ATP7A: variants seen among roughly 807,000 people sequenced by gnomAD.
ATP7A encodes the protein ATPase copper transporting alpha.
A neutral mutation model predicts 83.5 loss-of-function variants in ATP7A; 7 were observed. The observed-to-expected ratio is 0.08, with a 90% CI of 0.05 to 0.16. ATP7A has a LOEUF of 0.16. ATP7A is among the 10% of genes least tolerant of loss of function. The pLI, the probability that ATP7A is intolerant of heterozygous loss-of-function variation, is 1.00. For missense variants in ATP7A, 940 were observed against 1,120.8 expected (o/e 0.84, Z 2.30); for synonymous variants, 354 against 395.2 (o/e 0.90, Z 1.24).
intron 1 of ATP7A, chrX:77,969,231 G>A: frequency 8.2e-6 from 10 of 1,212,165 alleles, no homozygotes; most frequent in Non-Finnish European, 1.0e-5. Context: ...GATCCTTACT[G>A]ATGTTGCTGT....
intron 1 of ATP7A, chrX:77,923,939 G>C (rs2077229012): frequency 9.0e-6 from 1 of 111,655 alleles, no homozygotes; most frequent in African/African-American, 3.2e-5. Context: ...ATTATAGCTT[G>C]ACTCCCTACA....
chrX:77,973,326 C>T (rs969584017), intron 2 of ATP7A, among the ~76,000 whole-genome samples: 2 of 111,602 alleles, frequency 1.8e-5, no homozygotes, highest in Non-Finnish European at 3.8e-5. Flanking sequence ...AGAGCCCATA[C>T]GTGGTGTCCT....
chrX:77,915,947 C>G (rs1417385071), intron 1 of ATP7A, among the ~76,000 whole-genome samples: 1 of 112,103 alleles, frequency 8.9e-6, no homozygotes, highest in Non-Finnish European at 1.9e-5. Flanking sequence ...TCTCAAACTC[C>G]TGGCCTCAGG....
chrX:78,041,338 C>T (rs948159192), intron 19 of ATP7A, among the ~76,000 whole-genome samples: 3 of 109,568 alleles, frequency 2.7e-5, no homozygotes, highest in African/African-American at 6.7e-5. Flanking sequence ...TGCAGTGGCG[C>T]GATCTCGGCT....
intron 1 of ATP7A, among the ~76,000 whole-genome samples, chrX:77,961,565 G>A (rs1232053229): frequency 3.6e-5 from 4 of 111,914 alleles, no homozygotes; most frequent in African/African-American, 1.3e-4. Flanking sequence ...TGTTCTGGAG[G>A]TAGACAGCCA....
chrX:77,964,575 A>C (rs1276649369), intron 1 of ATP7A: 6 of 101,639 alleles, frequency 5.9e-5, no homozygotes, highest in African/African-American at 1.5e-4. Flanking sequence ...CCTAATCCCC[A>C]CCCCCCGACA....
intron 1 of ATP7A, among the ~76,000 whole-genome samples, chrX:77,924,943 C>T (rs376312027): frequency 7.5e-4 from 84 of 111,718 alleles, no homozygotes; most frequent in African/African-American, 1.6e-3. Context: ...CCACCCACCT[C>T]GGCCTCCCAA....
chrX:78,032,147 T>A (rs1372165262), intron 16 of ATP7A, among the ~76,000 whole-genome samples: 1 of 112,417 alleles, frequency 8.9e-6, no homozygotes, highest in Non-Finnish European at 1.9e-5. Context: ...CAATGATCAA[T>A]CTTTGTTACC....
intron 1 of ATP7A, chrX:77,965,355 A>G: frequency 9.4e-6 from 3 of 318,871 alleles, no homozygotes; most frequent in Non-Finnish European, 1.8e-5. Flanking sequence ...AAAATTGGGT[A>G]GAGTGCTTGA....
At chrX:77,979,535 AC>A (rs2077593869) in intron 2 of ATP7A, among the ~76,000 whole-genome samples, 1 of 112,313 alleles carries the variant, frequency 8.9e-6, no homozygotes, top group South Asian at 3.6e-4. Context: ...AAAGAAATGT[AC>A]ACAAAAAAGA....
chrX:77,991,004 T>C (rs1194320455), intron 4 of ATP7A, among the ~76,000 whole-genome samples: 1 of 111,902 alleles, frequency 8.9e-6, no homozygotes, highest in African/African-American at 3.2e-5. Context: ...TTTTAGTTCT[T>C]AATTTTTCTG....
intron 1 of ATP7A, among the ~76,000 whole-genome samples, chrX:77,942,457 G>GC (rs1283815424): frequency 1.8e-5 from 2 of 109,109 alleles, no homozygotes; most frequent in Middle Eastern, 4.6e-3. Flanking sequence ...TTGCGGGGGG[G>GC]GTAGGGGAGC....
chrX:77,963,523 C>A (rs1385977460), intron 1 of ATP7A: 1 of 112,081 alleles, frequency 8.9e-6, no homozygotes. Context: ...AAAATGTTAT[C>A]TTTTTCACAG....
At chrX:78,030,981 G>A (rs1187394516) in intron 15 of ATP7A, among the ~76,000 whole-genome samples, 4 of 110,874 alleles carry the variant, frequency 3.6e-5, no homozygotes, top group African/African-American at 1.3e-4. Context: ...TTGAGCCACC[G>A]CACCTGGCCA....
At chrX:78,014,598 A>G (rs1557234914) in intron 10 of ATP7A, 64 bp from the exon 11 acceptor site, 1 of 845,590 alleles carries the variant, frequency 1.2e-6, no homozygotes, top group Non-Finnish European at 1.7e-6. Flanking sequence ...TTGTATTTTT[A>G]TTTTAGTTAA....
rs782460764 is a variant in ATP7A, at chrX:78,046,106, G to A, written c.4227-188G>A. Among the ~76,000 whole-genome samples, 22 of 112,367 alleles carry A rather than the reference G, an allele frequency of 2.0e-4. 1 individual carries two copies. Among genetic ancestry groups the A allele is most frequent in the Admixed American group, 1.4e-3 (15 of 10,589 alleles). On this transcript the variant is annotated intron_variant, in intron 22 of 22. Transcript: ENST00000341514. ...ATAAAATATAGTGCACTAATTCTGA[G>A]AAGTAGGGTTTCTGATGATATAACT...
intron 2 of ATP7A, among the ~76,000 whole-genome samples, chrX:77,974,462 C>A (rs1225715099): frequency 9.0e-6 from 1 of 110,887 alleles, no homozygotes; most frequent in Non-Finnish European, 1.9e-5. Flanking sequence ...TTATTTATTC[C>A]TTTGTAGTCT....
chrX:77,928,405 T>TAC (rs34675949), intron 1 of ATP7A, among the ~76,000 whole-genome samples: 11 of 107,737 alleles, frequency 1.0e-4, no homozygotes, highest in South Asian at 8.1e-4. Context: ...ATAACACACA[T>TAC]ACACACACAC....
intron 1 of ATP7A, among the ~76,000 whole-genome samples, chrX:77,953,733 A>T (rs1358578148): frequency 9.0e-6 from 1 of 111,003 alleles, no homozygotes; most frequent in Non-Finnish European, 1.9e-5. Context: ...TCTCCACACC[A>T]CTCTCACCTT....
Sources: gnomAD v4.1 joint callset for allele counts (sites outside exome capture counted in the v4.1 genomes callset) on GRCh38, gnomAD v4.1.1 for gene constraint, MANE v1.5 for transcripts, NCBI Gene and HGNC (gene_info 2026-07-23, HGNC 2026-07-21) for gene names.